The following EPHB6 variants were observed in gnomAD, a reference collection of about 807,000 sequenced individuals.
EPHB6 encodes the protein ephrin type-B receptor 6.
EPHB6 carries 51 observed loss-of-function variants against 107.0 expected under a neutral mutation model. The ratio of observed to expected loss-of-function variants is 0.48; its 90% CI spans 0.38 to 0.60. EPHB6 has a LOEUF of 0.60. Among genes scored for constraint, EPHB6 ranks in the 20% least tolerant of loss-of-function variants. EPHB6 has a pLI of 0.00. For missense variants in EPHB6, 1,141 were observed against 1,355.5 expected, an observed-to-expected ratio of 0.84 and a Z score of 2.48; for synonymous variants, 553 against 549.0, an observed-to-expected ratio of 1.01 and a Z score of -0.10.
chr7:142,869,123 G>A lies in EPHB6; in HGVS notation c.2436G>A (p.Val812=). ...TGAATAGCCACTTGGTGTGCAAGGT[G>A]GCCCGTCTTGGCCACAGTCCTCAGG... ...VLVNSHLVCK[V]ARLGHSPQGP... The change falls in exon 16 of 20, where the codon GTG becomes GTA. Residue 812 remains valine (V), a synonymous_variant. Transcript: ENST00000652003. The surrounding 1 kb of genome is among the most constrained non-coding windows in gnomAD (Gnocchi z 4.5). 6.2e-7 allele frequency: 1 copy of A among 1,613,476 alleles called. No individual in the cohort carries two copies. Among genetic ancestry groups the A allele is most frequent in the South Asian group, 1.1e-5 (1 of 91,080 alleles).
chr7:142,870,011 C>T, intron 17 of EPHB6, 45 bp downstream of exon 17: 1 of 1,613,936 alleles, frequency 6.2e-7, no homozygotes, highest in Non-Finnish European at 8.5e-7. Flanking sequence ...CCCGATCCCT[C>T]CCAGGTTGGA....
Position 142,866,495 on chromosome 7 carries a change from C to T in EPHB6, c.1477C>T (p.Pro493Ser), listed in dbSNP as rs1457896462. ...STSHEVPSAV[P>S]VVHQVSRASN... is the part of the protein sequence containing the mutation. ...TTGCACTCTAGTGCCCTCTGCTGTC[C>T]CTGTGGTGCACCAGGTGAGCCGGGC... Residue 493 changes from proline (P) to serine (S), a missense_variant, in exon 10 of 20, where the codon CCT becomes TCT. By Grantham distance (74) the Pro-to-Ser change is moderately conservative. This residue lies in a region of EPHB6 where 616 missense variants were observed against 759.3 expected (regional missense o/e 0.81). Coordinates refer to ENST00000652003, the MANE Select transcript of EPHB6 (RefSeq NM_004445.6). This position sits in a 1 kb window ranked among gnomAD's most constrained non-coding sequence, Gnocchi z 5.2. 26 of 1,614,160 alleles carry T rather than the reference C, an allele frequency of 1.6e-5. No homozygotes were observed. Among genetic ancestry groups the T allele is most frequent in the Non-Finnish European group, 2.2e-5 (26 of 1,180,040 alleles).
chr7:142,869,624 T>C lies in EPHB6; in HGVS notation c.2461-193T>C, dbSNP rs2116482862. The C allele has an allele frequency of 1.5e-6, 1 of 686,008 alleles. No individual in the cohort carries two copies. Among genetic ancestry groups the C allele is most frequent in the East Asian group, 2.7e-5 (1 of 36,946 alleles). 42.5% of individuals were successfully genotyped at this position (686,008 alleles called of 1,614,324 possible). A position where few individuals can be genotyped will look rare whatever the true frequency, so the allele number is the denominator to read the frequency against. On this transcript the variant is annotated intron_variant, in intron 16 of 19. Transcript: ENST00000652003. The surrounding 1 kb of genome is among the most constrained non-coding windows in gnomAD (Gnocchi z 4.5). ...CTTAACATATCTGAGCACATAGTAG[T>C]TGCTCCATAAACGTGACTATTGCTT...
At position 142,864,329 on chromosome 7, in the gene EPHB6, T is replaced by C. The variant is rs770528745; in HGVS notation, c.529T>C (p.Ser177Pro). The C allele has an allele frequency of 1.2e-6, 2 of 1,613,188 alleles. No individual in the cohort carries two copies. Among genetic ancestry groups the C allele is most frequent in the African/African-American group, 2.7e-5 (2 of 74,916 alleles). Reference sequence around the variant, plus strand: ...CTCCTCCTCCTCCTCCTCTTCTTCCTCTGCAGCGTGGGCTGTGGGACCCCA... The same window carrying C: ...CTCCTCCTCCTCCTCCTCTTCTTCCCCTGCAGCGTGGGCTGTGGGACCCCA... ...SSSSSSSSSS[S>P]AAWAVGPHGA... Residue 177 changes from serine (S) to proline (P), a missense_variant, in exon 7 of 20, where the codon TCT (serine) becomes CCT (proline). Ser to Pro is a moderately conservative substitution (Grantham distance 74, BLOSUM62 -1). Around this residue, in one of 3 missense-constraint regions of EPHB6, gnomAD observed 221 missense variants for 300.5 expected, o/e 0.74. Transcript: ENST00000652003.
Position 142,870,910 on chromosome 7 carries a change from A to C in EPHB6, c.*6A>C, listed in dbSNP as rs763472954. 1.9e-6 allele frequency: 3 copies of C among 1,611,134 alleles called. No homozygotes were observed. The South Asian group carries it at 3.3e-5, about 18-fold the overall frequency. On this transcript the variant is annotated 3_prime_UTR_variant, in exon 20 of 20. Transcript: ENST00000652003. ...AGGGCTCAGTGGAGGTCTGAGAATG[A>C]CGATACCCGTGACTCAGCCCTGGAC...
chr7:142,870,419 G>A lies in EPHB6; in HGVS notation c.2804+12G>A. 1 of 1,613,952 alleles carries A rather than the reference G, an allele frequency of 6.2e-7. No homozygotes were observed. Among genetic ancestry groups the A allele is most frequent in the Non-Finnish European group, 8.5e-7 (1 of 1,179,958 alleles). ...GACCCAGGGGAAAGGTCTGGAGCTT[G>A]GGGCTAGAGCCTGGGAAAGCCAGGG... On this transcript the variant is annotated intron_variant, in intron 18 of 19. Transcript: ENST00000652003.
At chr7:142,856,179 A>T (rs940975439) in intron 1 of EPHB6, among the ~76,000 whole-genome samples, 2 of 152,138 alleles carry the variant, frequency 1.3e-5, no homozygotes, top group Non-Finnish European at 1.5e-5. Context: ...GGGGAACTTG[A>T]CTGAGGCTCT....
In EPHB6 at chr7:142,865,360, G is replaced by C; in HGVS notation, c.950-115G>C. On this transcript the variant is annotated intron_variant, in intron 7 of 19. Coordinates refer to ENST00000652003, the MANE Select transcript of EPHB6 (RefSeq NM_004445.6). ...GTGGGGTTCAGTCTTGGAAGAAAAGGAGAACCAGCTCTGGGGAAGAGAAGG... is the reference window on the plus strand; with the variant it reads ...GTGGGGTTCAGTCTTGGAAGAAAAGCAGAACCAGCTCTGGGGAAGAGAAGG... 4 of 1,376,946 alleles carry C rather than the reference G, an allele frequency of 2.9e-6. No homozygotes were observed. The South Asian group carries it at 4.8e-5, about 17-fold the overall frequency. 85.3% of individuals were successfully genotyped at this position (1,376,946 alleles called of 1,614,324 possible).
chr7:142,868,611 C>T lies in EPHB6; in HGVS notation c.2158C>T (p.Arg720Trp), dbSNP rs769481543. 5.6e-6 allele frequency: 9 copies of T among 1,613,628 alleles called. No homozygotes were observed. The highest frequency in any genetic ancestry group is 2.2e-5 in the South Asian group (2 of 91,090). The part of the protein sequence containing the change: ...AESLQMTFLG[R>W]AAVLGQFQHP... The stretch of plus-strand genomic sequence containing the variant: ...AAGCCTGCAGATGACCTTCCTGGGC[C>T]GGGCCGCAGTGCTGGGTCAGTTCCA... Residue 720 changes from arginine to tryptophan, a missense_variant, in exon 15 of 20, where the codon CGG becomes TGG. Physicochemically the swap from Arg to Trp is moderately radical, Grantham distance 101. Coordinates refer to ENST00000652003, the MANE Select transcript of EPHB6 (RefSeq NM_004445.6). The surrounding 1 kb of genome is among the most constrained non-coding windows in gnomAD (Gnocchi z 4.2).
chr7:142,860,838 T>A (rs1179447914), intron 1 of EPHB6, among the ~76,000 whole-genome samples: 2 of 152,124 alleles, frequency 1.3e-5, no homozygotes, highest in Non-Finnish European at 2.9e-5. Flanking sequence ...CAGAAAAAAA[T>A]TAGTAGGAAT....
rs1262397959 is a variant in EPHB6, at chr7:142,870,283, C to G, written c.2680C>G (p.Leu894Val). Residue 894 changes from leucine (L) to valine (V), a missense_variant, in exon 18 of 20, where the codon CTT (leucine) becomes GTT (valine). Physicochemically the swap from Leu to Val is conservative, Grantham distance 32. Around this residue, in one of 3 missense-constraint regions of EPHB6, gnomAD observed 616 missense variants for 759.3 expected, o/e 0.81. Coordinates refer to ENST00000652003, the MANE Select transcript of EPHB6 (RefSeq NM_004445.6). ...AGGCTGTCCTCCTGGATTACATCTACTTATGTTGGACACTTGGCAGAAGGA... is the reference window on the plus strand; with the variant it reads ...AGGCTGTCCTCCTGGATTACATCTAGTTATGTTGGACACTTGGCAGAAGGA... Reference protein sequence around the residue: ...PPGCPPGLHLLMLDTWQKDRA... With the variant: ...PPGCPPGLHLVMLDTWQKDRA... 4.3e-6 allele frequency: 7 copies of G among 1,614,214 alleles called. No homozygotes were observed. Among genetic ancestry groups the G allele is most frequent in the Non-Finnish European group, 5.9e-6 (7 of 1,180,040 alleles).
intron 1 of EPHB6, among the ~76,000 whole-genome samples, chr7:142,856,197 G>A (rs1293544440): frequency 6.6e-6 from 1 of 152,222 alleles, no homozygotes; most frequent in Non-Finnish European, 1.5e-5. Flanking sequence ...TCTAGGAGGG[G>A]AGATGCTGGT....
At position 142,867,718 on chromosome 7, in the gene EPHB6, C is replaced by T; in HGVS notation, c.1861C>T (p.Gln621Ter). Reference sequence around the variant, plus strand: ...CATCACCGTGCTGGCGGTCGTCTTCCAGCGGTGAGTCCCCACCCCTGCCCA... The same window carrying T: ...CATCACCGTGCTGGCGGTCGTCTTCTAGCGGTGAGTCCCCACCCCTGCCCA... Reference protein sequence around the residue: ...AAITVLAVVFQRKRRGTGYTE... With the variant: ...AAITVLAVVF Residue 621 changes from glutamine to a stop codon, truncating the protein, a stop_gained, in exon 12 of 20, where the codon CAG becomes TAG. Transcript: ENST00000652003. LOFTEE classifies it high-confidence loss of function. The surrounding 1 kb of genome is among the most constrained non-coding windows in gnomAD (Gnocchi z 5.3). The T allele has an allele frequency of 6.2e-7, 1 of 1,610,106 alleles. No individual in the cohort carries two copies. Among genetic ancestry groups the T allele is most frequent in the South Asian group, 1.1e-5 (1 of 90,204 alleles).
chr7:142,866,503 G>T lies in EPHB6; in HGVS notation c.1485G>T (p.Val495=), dbSNP rs753341146. 25 of 1,614,012 alleles carry T rather than the reference G, an allele frequency of 1.5e-5. No individual in the cohort carries two copies. The highest frequency in any genetic ancestry group is 1.6e-4 in the Middle Eastern group (1 of 6,084). The change falls in exon 10 of 20, where the codon GTG becomes GTT. Residue 495 remains valine (V), a synonymous_variant. Coordinates refer to ENST00000652003, the MANE Select transcript of EPHB6 (RefSeq NM_004445.6). This position sits in a 1 kb window ranked among gnomAD's most constrained non-coding sequence, Gnocchi z 5.2. ...TAGTGCCCTCTGCTGTCCCTGTGGT[G>T]CACCAGGTGAGCCGGGCATCCAACA... is the stretch of plus-strand genomic sequence containing the variant. ...SHEVPSAVPV[V]HQVSRASNSI...
chr7:142,868,875 G>C lies in EPHB6; in HGVS notation c.2287-99G>C, dbSNP rs775872501. ...TTCCTTCCCAGCCATTTTCTGATTC[G>C]ACACCCTCCCGCTCTCATGCTGTTG... On this transcript the variant is annotated intron_variant, in intron 15 of 19. Transcript: ENST00000652003. This position sits in a 1 kb window ranked among gnomAD's most constrained non-coding sequence, Gnocchi z 4.2. The C allele has an allele frequency of 1.3e-6, 2 of 1,589,502 alleles. No homozygotes were observed. The highest frequency in any genetic ancestry group is 2.2e-5 in the South Asian group (2 of 89,484).
rs1278989467 is a variant in EPHB6, at chr7:142,863,336, G to C, written c.100+9G>C. 6.2e-7 allele frequency: 1 copy of C among 1,613,450 alleles called. No individual in the cohort carries two copies. Among genetic ancestry groups the C allele is most frequent in the East Asian group, 2.2e-5 (1 of 44,882 alleles). ...AGTTCTGGCTCTGGAAGGTAAGAGG[G>C]AGGGGAGACAGGAGAACCCAGACCT... On this transcript the variant is annotated intron_variant, in intron 5 of 19. Transcript: ENST00000652003.
Position 142,867,073 on chromosome 7 carries a change from G to A in EPHB6, c.1750+5G>A, listed in dbSNP as rs765266650. On this transcript the variant is annotated splice_donor_5th_base_variant and intron_variant, in intron 11 of 19. Coordinates refer to ENST00000652003, the MANE Select transcript of EPHB6 (RefSeq NM_004445.6). This position sits in a 1 kb window ranked among gnomAD's most constrained non-coding sequence, Gnocchi z 5.3. ...ATTTCCAGACACTTCCTCAAGGTGA[G>A]CGGGGGTCAAGGGCCAGATGGGCAG... 1.9e-6 allele frequency: 3 copies of A among 1,612,366 alleles called. No individual in the cohort carries two copies. The highest frequency in any genetic ancestry group is 1.1e-5 in the South Asian group (1 of 91,070).
Position 142,863,024 on chromosome 7 carries a change from G to A in EPHB6, c.-101-103G>A, listed in dbSNP as rs8177136. On this transcript the variant is annotated intron_variant, in intron 4 of 19. Coordinates refer to ENST00000652003, the MANE Select transcript of EPHB6 (RefSeq NM_004445.6). ...TGGGTGCTGGGGCGATTGGAGAGCT[G>A]TAGGAGGAGACACAGACACGGGGTC... The A allele has an allele frequency of 3.3e-3, 1,987 of 596,274 alleles. 34 individuals are homozygous for A. Among genetic ancestry groups the A allele is most frequent in the African/African-American group, 0.033 (1,781 of 53,854 alleles). 36.9% of individuals were successfully genotyped at this position (596,274 alleles called of 1,614,324 possible).
rs1462270252 is a variant in EPHB6, at chr7:142,867,162, G to A, written c.1750+94G>A. 16 of 1,471,770 alleles carry A rather than the reference G, an allele frequency of 1.1e-5. No individual in the cohort carries two copies. The highest frequency in any genetic ancestry group is 3.8e-5 in the South Asian group (3 of 78,644). 91.2% of individuals were successfully genotyped at this position (1,471,770 alleles called of 1,614,324 possible). On this transcript the variant is annotated intron_variant, in intron 11 of 19. Transcript: ENST00000652003. The surrounding 1 kb of genome is among the most constrained non-coding windows in gnomAD (Gnocchi z 5.3). ...CTGTCCGGCCTTGAACCCTGGCCCC[G>A]TGCTTCCCAACCAGAAGTTCTGTGG...
Sources: allele counts gnomAD v4.1 joint callset (sites outside exome capture counted in the v4.1 genomes callset), GRCh38; gene constraint gnomAD v4.1.1; regional missense constraint gnomAD v4.1.1; non-coding constraint Gnocchi (gnomAD v3.1); transcripts MANE v1.5; gene names NCBI Gene and HGNC (gene_info 2026-07-23, HGNC 2026-07-21).